The following CFAP299 variants were observed in gnomAD, a reference collection of about 807,000 sequenced individuals.
CFAP299 encodes cilia- and flagella-associated protein 299.
CFAP299 carries 21 observed loss-of-function variants against 27.0 expected under a neutral mutation model. The observed-to-expected ratio is 0.78, with a 90% CI of 0.55 to 1.12. The LOEUF (loss-of-function observed/expected upper bound fraction) is 1.12, where lower values mean the gene tolerates loss of function less well. CFAP299 is among the 50% of genes most tolerant of loss of function. The pLI, the probability that CFAP299 is intolerant of heterozygous loss-of-function variation, is 0.00. For synonymous variants in CFAP299, 104 were observed against 98.1 expected, an observed-to-expected ratio of 1.06 and a Z score of -0.36; for missense variants, 310 against 276.6, an observed-to-expected ratio of 1.12 and a Z score of -0.86.
intron 3 of CFAP299, among the ~76,000 whole-genome samples, chr4:80,859,127 G>A (rs1578190257): frequency 6.6e-6 from 1 of 152,162 alleles, no homozygotes; most frequent in East Asian, 1.9e-4. Flanking sequence ...AGGATAGTTA[G>A]CTCTTCTTGT....
intron 4 of CFAP299, among the ~76,000 whole-genome samples, chr4:80,894,339 G>A (rs1279774184): frequency 6.6e-6 from 1 of 151,868 alleles, no homozygotes; most frequent in East Asian, 1.9e-4. Context: ...AAATACCTCT[G>A]TGCTTAAACC....
chr4:80,730,280 ATGTG>A (rs1553953974), intron 3 of CFAP299, among the ~76,000 whole-genome samples: 4 of 76,586 alleles, frequency 5.2e-5, no homozygotes, highest in African/African-American at 1.5e-4. Context: ...GTGTGTGTGT[ATGTG>A]TGTGTGTGTG....
chr4:80,465,782 G>C (rs1449113867), intron 2 of CFAP299, among the ~76,000 whole-genome samples: 3 of 152,170 alleles, frequency 2.0e-5, no homozygotes, highest in African/African-American at 7.2e-5. Context: ...TTTGGAGCTT[G>C]TCCTCAACAT....
At chr4:80,565,251 T>A (rs1188909167) in intron 2 of CFAP299, among the ~76,000 whole-genome samples, 1 of 152,060 alleles carries the variant, frequency 6.6e-6, no homozygotes, top group East Asian at 1.9e-4. Flanking sequence ...TATCAGCAGC[T>A]GAGTGACTAA....
At chr4:80,470,710 A>G (rs1729951500) in intron 2 of CFAP299, among the ~76,000 whole-genome samples, 1 of 152,194 alleles carries the variant, frequency 6.6e-6, no homozygotes, top group Non-Finnish European at 1.5e-5. Context: ...TCAAGGGTGC[A>G]TTTCAGAAGG....
intron 1 of CFAP299, among the ~76,000 whole-genome samples, chr4:80,346,695 G>A (rs1189111541): frequency 6.6e-6 from 1 of 152,190 alleles, no homozygotes; most frequent in Non-Finnish European, 1.5e-5. Flanking sequence ...GTAGTTTGAA[G>A]TCAGGTAGCA....
At chr4:80,394,933 T>C (rs1002692655) in intron 2 of CFAP299, among the ~76,000 whole-genome samples, 2 of 152,056 alleles carry the variant, frequency 1.3e-5, no homozygotes, top group Non-Finnish European at 2.9e-5. Flanking sequence ...CACAAAACTT[T>C]ACAACATTTT....
chr4:80,562,625 T>C, intron 2 of CFAP299, among the ~76,000 whole-genome samples: 1 of 149,852 alleles, frequency 6.7e-6, no homozygotes, highest in Non-Finnish European at 1.5e-5. Context: ...GCCACTACAC[T>C]CCAGCCTAGG....
intron 2 of CFAP299, among the ~76,000 whole-genome samples, chr4:80,447,141 T>TTG (rs1553923907): frequency 2.8e-4 from 35 of 126,468 alleles, no homozygotes; most frequent in African/African-American, 1.1e-3. Context: ...TTTTTTTTTT[T>TTG]TTTTTTTTTT....
intron 2 of CFAP299, chr4:80,387,910 C>T (rs1044708518): frequency 1.1e-6 from 1 of 891,648 alleles, no homozygotes; most frequent in Non-Finnish European, 1.9e-6. Context: ...CCCGGTGGCA[C>T]TGGTCATGGG....
At chr4:80,383,514 A>G (rs1724815870) in intron 2 of CFAP299, among the ~76,000 whole-genome samples, 2 of 152,196 alleles carry the variant, frequency 1.3e-5, no homozygotes, top group South Asian at 2.1e-4. Flanking sequence ...AGAGTGAACC[A>G]TAATTTCCAT....
intron 3 of CFAP299, among the ~76,000 whole-genome samples, chr4:80,678,432 TTA>T (rs138595151): frequency 2.7e-3 from 415 of 152,220 alleles, no homozygotes; most frequent in African/African-American, 8.9e-3. Flanking sequence ...TGAATGCTTA[TTA>T]TGTGTCCAAA....
chr4:80,853,079 G>T (rs1253857942), intron 3 of CFAP299, among the ~76,000 whole-genome samples: 1 of 151,928 alleles, frequency 6.6e-6, no homozygotes, highest in Non-Finnish European at 1.5e-5. Context: ...TGCCCAGGCT[G>T]GAGTGCAGTG....
At chr4:80,847,119 A>G (rs1365362271) in intron 3 of CFAP299, among the ~76,000 whole-genome samples, 3 of 152,194 alleles carry the variant, frequency 2.0e-5, no homozygotes, top group Admixed American at 2.0e-4. Context: ...CATAGGCTTC[A>G]TGTCCAGATG....
intron 3 of CFAP299, among the ~76,000 whole-genome samples, chr4:80,678,458 A>T (rs549954093): frequency 6.6e-6 from 1 of 152,098 alleles, no homozygotes; most frequent in Admixed American, 6.6e-5. Context: ...ATGATGTTTT[A>T]TATAAATTAC....
Position 80,667,872 on chromosome 4 carries a change from T to C in CFAP299, c.333+84689T>C, listed in dbSNP as rs551824125. The stretch of plus-strand genomic sequence containing the variant: ...ATTGCTGAATCATATGGAAATTCTT[T>C]TTTTAATTTTTTTAGGAACCTCCAT... On this transcript the variant is annotated intron_variant, in intron 3 of 5. Transcript: ENST00000358105. Among the ~76,000 whole-genome samples, 21 of 152,272 alleles carry C rather than the reference T, an allele frequency of 1.4e-4. No individual in the cohort carries two copies. In the South Asian group the frequency reaches 4.1e-3, roughly 30 times the overall value.
chr4:80,431,620 A>G (rs1047126547), intron 2 of CFAP299, among the ~76,000 whole-genome samples: 1 of 151,806 alleles, frequency 6.6e-6, no homozygotes, highest in African/African-American at 2.4e-5. Context: ...CCAATTTTCT[A>G]TATCTAGCCC....
Position 80,377,677 on chromosome 4 carries a change from T to C in CFAP299, c.242+14793T>C, listed in dbSNP as rs535938710. Among the ~76,000 whole-genome samples, 6 of 152,328 alleles carry C rather than the reference T, an allele frequency of 3.9e-5. No individual in the cohort carries two copies. In the South Asian group the frequency reaches 6.2e-4, roughly 16 times the overall value. On this transcript the variant is annotated intron_variant, in intron 2 of 5. Transcript: ENST00000358105. The stretch of plus-strand genomic sequence containing the variant: ...TGCTGGGATTTTGCTAAAATAGTTA[T>C]CAATTTGGAGAGAATTACATCTTAA...
chr4:80,342,563 C>T (rs542111501), intron 1 of CFAP299, among the ~76,000 whole-genome samples: 123 of 152,222 alleles, frequency 8.1e-4, no homozygotes, highest in Non-Finnish European at 1.4e-3. Flanking sequence ...CATTTCCAGC[C>T]AAGCTAAGCT....
Sources: allele counts gnomAD v4.1 joint callset (sites outside exome capture counted in the v4.1 genomes callset), GRCh38; gene constraint gnomAD v4.1.1; transcripts MANE v1.5; gene names NCBI Gene and HGNC (gene_info 2026-07-23, HGNC 2026-07-21).